Variants in MYO5B observed in about 807,000 individuals in gnomAD.
MYO5B encodes the protein myosin VB.
In MYO5B, 143 loss-of-function variants were observed where a neutral mutation model predicts 229.3. That is an observed-to-expected ratio of 0.62 (90% CI 0.54 to 0.72). The LOEUF is 0.72. MYO5B is among the 30% of genes least tolerant of loss of function. The probability of loss-of-function intolerance (pLI) is 0.00; values close to 1 mark genes in which losing one functional copy is unlikely to be tolerated. For synonymous variants in MYO5B, 918 were observed against 885.2 expected, an observed-to-expected ratio of 1.04 and a Z score of -0.66; for missense variants, 2,321 against 2,331.0, an observed-to-expected ratio of 1.00 and a Z score of 0.09.
At chr18:49,966,558 A>T (rs2025628478) in intron 10 of MYO5B, among the ~76,000 whole-genome samples, 1 of 152,232 alleles carries the variant, frequency 6.6e-6, no homozygotes, top group African/African-American at 2.4e-5. Flanking sequence ...TGAATTAATA[A>T]AACCTAGGTG....
intron 33 of MYO5B, among the ~76,000 whole-genome samples, chr18:49,843,629 T>C (rs2024089798): frequency 6.6e-6 from 1 of 152,236 alleles, no homozygotes; most frequent in African/African-American, 2.4e-5. Context: ...ACATTCCTAA[T>C]TGTCTGCACT....
chr18:49,931,401 A>G (rs1375893586), intron 16 of MYO5B, among the ~76,000 whole-genome samples: 1 of 152,126 alleles, frequency 6.6e-6, no homozygotes, highest in Non-Finnish European at 1.5e-5. Flanking sequence ...TCTTCTCCAT[A>G]AAATCTTCCC....
At chr18:49,872,968 C>T (rs1311896158) in intron 26 of MYO5B, among the ~76,000 whole-genome samples, 1 of 152,192 alleles carries the variant, frequency 6.6e-6, no homozygotes, top group Non-Finnish European at 1.5e-5. Flanking sequence ...AAGTTACGTT[C>T]CAATTTATGA....
At chr18:50,135,461 AC>A (rs2144277675) in intron 1 of MYO5B, among the ~76,000 whole-genome samples, 1 of 152,344 alleles carries the variant, frequency 6.6e-6, no homozygotes, top group South Asian at 2.1e-4. Context: ...TTTACAGTTG[AC>A]ATCACTCCCA....
chr18:49,945,822 A>T (rs548537601), intron 14 of MYO5B, among the ~76,000 whole-genome samples: 1 of 152,230 alleles, frequency 6.6e-6, no homozygotes, highest in East Asian at 1.9e-4. Flanking sequence ...GAGAGCCAAG[A>T]CACAGGTAAG....
chr18:50,091,172 G>T (rs1005468458), intron 1 of MYO5B, among the ~76,000 whole-genome samples: 4 of 152,170 alleles, frequency 2.6e-5, no homozygotes, highest in Non-Finnish European at 1.5e-5. Flanking sequence ...GGTCAAAGGA[G>T]ACTAAAACAA....
chr18:49,993,850 G>A (rs955073595), intron 5 of MYO5B, among the ~76,000 whole-genome samples: 2 of 152,046 alleles, frequency 1.3e-5, no homozygotes, highest in Non-Finnish European at 1.5e-5. Context: ...TGTATAAAAC[G>A]CTTCAGTGGC....
At chr18:49,941,016 A>G (rs376217013) in intron 14 of MYO5B, among the ~76,000 whole-genome samples, 9 of 152,232 alleles carry the variant, frequency 5.9e-5, no homozygotes, top group African/African-American at 1.7e-4. Context: ...AGAGAAATTA[A>G]CACAAGTCAG....
intron 16 of MYO5B, among the ~76,000 whole-genome samples, chr18:49,932,106 G>A (rs891423857): frequency 6.6e-5 from 10 of 152,266 alleles, no homozygotes; most frequent in Admixed American, 3.3e-4. Context: ...AATAAAATGA[G>A]CAGAAGCTCA....
chr18:50,008,843 A>C (rs565221513), intron 4 of MYO5B, among the ~76,000 whole-genome samples: 2 of 152,232 alleles, frequency 1.3e-5, no homozygotes, highest in African/African-American at 4.8e-5. Context: ...TAATCAGTCT[A>C]CTGCTTCTTG....
intron 23 of MYO5B, chr18:49,879,463 C>G (rs1252481127): frequency 3.0e-6 from 1 of 333,756 alleles, no homozygotes; most frequent in African/African-American, 2.1e-5. Flanking sequence ...TCTTTCAGTT[C>G]TTAGGAGTGC....
intron 1 of MYO5B, among the ~76,000 whole-genome samples, chr18:50,085,163 T>C (rs942762573): frequency 1.1e-4 from 16 of 152,208 alleles, no homozygotes; most frequent in African/African-American, 2.6e-4. Context: ...GCAACCTACT[T>C]ATCTGACAAA....
At chr18:50,001,211 G>C in intron 5 of MYO5B, 44 bp downstream of exon 5, 1 of 1,613,250 alleles carries the variant, frequency 6.2e-7, no homozygotes, top group Non-Finnish European at 8.5e-7. Context: ...CTGCCAGTGG[G>C]AGGAGCTCCA....
intron 1 of MYO5B, among the ~76,000 whole-genome samples, chr18:50,174,213 T>C (rs1568133251): frequency 1.3e-5 from 2 of 152,084 alleles, no homozygotes; most frequent in East Asian, 3.9e-4. Context: ...CAGAATAGGA[T>C]AAAGATACAT....
At chr18:50,141,377 G>C (rs1390072822) in intron 1 of MYO5B, among the ~76,000 whole-genome samples, 1 of 152,196 alleles carries the variant, frequency 6.6e-6, no homozygotes, top group Non-Finnish European at 1.5e-5. Flanking sequence ...ATTGCCCTGA[G>C]CTGCTGCTTT....
At chr18:50,028,474 A>G (rs2026354727) in intron 4 of MYO5B, among the ~76,000 whole-genome samples, 1 of 151,956 alleles carries the variant, frequency 6.6e-6, no homozygotes, top group African/African-American at 2.4e-5. Flanking sequence ...CCATGCTCAT[A>G]AGGAATGGCA....
At chr18:50,064,759 C>G (rs1219970372) in intron 1 of MYO5B, among the ~76,000 whole-genome samples, 1 of 152,188 alleles carries the variant, frequency 6.6e-6, no homozygotes, top group Non-Finnish European at 1.5e-5. Flanking sequence ...GGTCATAGCC[C>G]TATAAATATT....
chr18:50,021,196 G>A (rs2026270500), intron 4 of MYO5B, among the ~76,000 whole-genome samples: 1 of 152,188 alleles, frequency 6.6e-6, no homozygotes, highest in Non-Finnish European at 1.5e-5. Flanking sequence ...GGGCCTCCGA[G>A]GAGATCCTGC....
intron 38 of MYO5B, among the ~76,000 whole-genome samples, chr18:49,836,040 A>G (rs1024449650): frequency 2.6e-5 from 4 of 152,142 alleles, no homozygotes; most frequent in African/African-American, 9.6e-5. Flanking sequence ...AAAGAGTTAG[A>G]TATTTAATAT....
Sources: gnomAD v4.1 joint callset for allele counts (sites outside exome capture counted in the v4.1 genomes callset) on GRCh38, gnomAD v4.1.1 for gene constraint, MANE v1.5 for transcripts, NCBI Gene and HGNC (gene_info 2026-07-23, HGNC 2026-07-21) for gene names.